The following CSMD1 variants were observed in gnomAD, a reference collection of about 807,000 sequenced individuals.
CSMD1 encodes CUB and sushi domain-containing protein 1.
CSMD1 carries 213 observed loss-of-function variants against 417.5 expected under a neutral mutation model. That is an observed-to-expected ratio of 0.51 (90% CI 0.46 to 0.57). The LOEUF is 0.57. CSMD1 is among the 20% of genes least tolerant of loss of function. CSMD1 has a pLI of 0.00. For synonymous variants in CSMD1, 2,862 were observed against 1,736.8 expected (o/e 1.65, Z -16.11); for missense variants, 6,923 against 4,529.7 (o/e 1.53, Z -15.17).
chr8:4,775,021 G>T (rs1333517300), intron 1 of CSMD1, among the ~76,000 whole-genome samples: 1 of 151,990 alleles, frequency 6.6e-6, no homozygotes, highest in Non-Finnish European at 1.5e-5. Context: ...GTGTGAGAAT[G>T]GACTAATATA....
At chr8:4,656,754 G>A (rs986412505) in intron 1 of CSMD1, among the ~76,000 whole-genome samples, 10 of 151,996 alleles carry the variant, frequency 6.6e-5, no homozygotes, top group African/African-American at 2.2e-4. Flanking sequence ...AAATGCCGCA[G>A]GAGGCAGTGG....
intron 2 of CSMD1, among the ~76,000 whole-genome samples, chr8:4,589,773 T>A (rs1451763488): frequency 6.6e-6 from 1 of 152,202 alleles, no homozygotes; most frequent in Non-Finnish European, 1.5e-5. Flanking sequence ...AGTTGCCAAC[T>A]TGGGAAAAAA....
At chr8:3,068,265 T>C (rs1813080445) in intron 49 of CSMD1, among the ~76,000 whole-genome samples, 1 of 152,150 alleles carries the variant, frequency 6.6e-6, no homozygotes, top group African/African-American at 2.4e-5. Flanking sequence ...TTTTTCTTTT[T>C]GCAGTATGTT....
intron 2 of CSMD1, among the ~76,000 whole-genome samples, chr8:4,601,050 A>T (rs939554487): frequency 1.4e-5 from 2 of 147,492 alleles, no homozygotes; most frequent in Admixed American, 1.4e-4. Flanking sequence ...TCCGTCTCCC[A>T]GGTTCAAGCG....
intron 36 of CSMD1, among the ~76,000 whole-genome samples, chr8:3,182,291 G>C (rs1015419032): frequency 6.6e-6 from 1 of 152,114 alleles, no homozygotes; most frequent in African/African-American, 2.4e-5. Flanking sequence ...CTGTCACCCA[G>C]GCTGGAGTGC....
intron 1 of CSMD1, among the ~76,000 whole-genome samples, chr8:4,694,161 A>G (rs1018449121): frequency 6.6e-6 from 1 of 152,188 alleles, no homozygotes; most frequent in Non-Finnish European, 1.5e-5. Context: ...GACAAAAGAC[A>G]GAGCTCAAAG....
intron 49 of CSMD1, among the ~76,000 whole-genome samples, chr8:3,086,668 C>G (rs948192145): frequency 6.6e-6 from 1 of 152,122 alleles, no homozygotes; most frequent in Non-Finnish European, 1.5e-5. Context: ...CTTTAACAAG[C>G]TCTAGATTTA....
chr8:4,525,860 T>C (rs1469558267), intron 2 of CSMD1, among the ~76,000 whole-genome samples: 1 of 152,140 alleles, frequency 6.6e-6, no homozygotes, highest in African/African-American at 2.4e-5. Flanking sequence ...CACAGTTCCA[T>C]CGTGATTCTT....
intron 5 of CSMD1, among the ~76,000 whole-genome samples, chr8:3,855,002 G>A (rs1251697218): frequency 6.6e-6 from 1 of 152,088 alleles, no homozygotes; most frequent in African/African-American, 2.4e-5. Context: ...AATCCATACA[G>A]CCATACACAT....
intron 2 of CSMD1, among the ~76,000 whole-genome samples, chr8:4,570,868 T>C (rs1486748930): frequency 6.6e-6 from 1 of 152,192 alleles, no homozygotes; most frequent in Non-Finnish European, 1.5e-5. Flanking sequence ...GGTTTAGTCT[T>C]GGGAGAGTAT....
intron 46 of CSMD1, among the ~76,000 whole-genome samples, chr8:3,100,730 C>T (rs372815351): frequency 1.9e-4 from 29 of 152,210 alleles, no homozygotes; most frequent in African/African-American, 7.0e-4. Context: ...GCATCTTATT[C>T]AACGCATCTC....
chr8:3,192,330 G>T (rs1283412285), intron 33 of CSMD1, among the ~76,000 whole-genome samples: 1 of 152,160 alleles, frequency 6.6e-6, no homozygotes, highest in Non-Finnish European at 1.5e-5. Context: ...TCTTGTAGGT[G>T]TTGGAATATT....
At chr8:4,443,984 G>C (rs754083323) in intron 2 of CSMD1, among the ~76,000 whole-genome samples, 3 of 152,216 alleles carry the variant, frequency 2.0e-5, no homozygotes, top group African/African-American at 4.8e-5. Context: ...AGGTGAAAAT[G>C]TACAAACGGA....
chr8:3,481,305 A>G (rs1010266121), intron 11 of CSMD1, among the ~76,000 whole-genome samples: 1 of 152,104 alleles, frequency 6.6e-6, no homozygotes, highest in African/African-American at 2.4e-5. Flanking sequence ...AGAGGAATCT[A>G]TACAATATAA....
chr8:3,939,146 G>A (rs1287934541), intron 5 of CSMD1, among the ~76,000 whole-genome samples: 2 of 152,068 alleles, frequency 1.3e-5, no homozygotes, highest in African/African-American at 4.8e-5. Flanking sequence ...GCCCTGTGGA[G>A]AATAAACCAA....
chr8:4,898,708 T>C (rs1033839160), intron 1 of CSMD1, among the ~76,000 whole-genome samples: 6 of 152,308 alleles, frequency 3.9e-5, no homozygotes, highest in Admixed American at 6.5e-5. Context: ...GAATAGATTT[T>C]ATTATATAGT....
At chr8:4,550,533 A>G (rs78723038) in intron 2 of CSMD1, among the ~76,000 whole-genome samples, 11,783 of 152,084 alleles carry the variant, frequency 0.077, 597 homozygotes, top group African/African-American at 0.15. Context: ...AAAAACTCCT[A>G]TTTTTGCAGG....
At chr8:4,046,399 T>C (rs1018581818) in intron 3 of CSMD1, among the ~76,000 whole-genome samples, 9 of 152,222 alleles carry the variant, frequency 5.9e-5, no homozygotes, top group Admixed American at 4.6e-4. Context: ...TACAAATCCA[T>C]GATTTTCATA....
chr8:3,998,470 G>C (rs1323770553), intron 4 of CSMD1, among the ~76,000 whole-genome samples: 1 of 152,152 alleles, frequency 6.6e-6, no homozygotes, highest in Admixed American at 6.5e-5. Context: ...AACATTTTGA[G>C]ACTTAAAAAC....
Sources: allele counts gnomAD v4.1 joint callset (sites outside exome capture counted in the v4.1 genomes callset), GRCh38; gene constraint gnomAD v4.1.1; transcripts MANE v1.5; gene names NCBI Gene and HGNC (gene_info 2026-07-23, HGNC 2026-07-21).